The following ME1 variants were observed in gnomAD, a reference collection of about 807,000 sequenced individuals.
ME1 encodes the protein malic enzyme 1, also known as NADP-dependent malic enzyme.
In ME1, 74 loss-of-function variants were observed where a neutral mutation model predicts 66.4. The ratio of observed to expected loss-of-function variants is 1.11; its 90% CI spans 0.92 to 1.35. ME1 has a LOEUF of 1.35. ME1 is among the 40% of genes most tolerant of loss of function. The pLI is 0.00. For synonymous variants in ME1, 251 were observed against 235.6 expected (o/e 1.07, Z -0.60); for missense variants, 750 against 694.1 (o/e 1.08, Z -0.90).
chr6:83,250,145 T>C (rs1562459501), intron 7 of ME1, among the ~76,000 whole-genome samples: 1 of 151,686 alleles, frequency 6.6e-6, no homozygotes, highest in South Asian at 2.1e-4. Flanking sequence ...GTCCGTTGGC[T>C]CTCTAGTTCT....
At chr6:83,360,242 T>C (rs1331736412) in intron 3 of ME1, among the ~76,000 whole-genome samples, 2 of 152,140 alleles carry the variant, frequency 1.3e-5, no homozygotes, top group Non-Finnish European at 2.9e-5. Context: ...AGTGAATCTT[T>C]CTCCCACCCT....
At chr6:83,341,227 T>A (rs1768575512) in intron 5 of ME1, among the ~76,000 whole-genome samples, 1 of 152,118 alleles carries the variant, frequency 6.6e-6, no homozygotes, top group South Asian at 2.1e-4. Context: ...ACTGGAAGGG[T>A]AACATGTCCT....
At chr6:83,282,060 T>C (rs763024655) in intron 6 of ME1, among the ~76,000 whole-genome samples, 3 of 151,384 alleles carry the variant, frequency 2.0e-5, no homozygotes, top group Non-Finnish European at 2.9e-5. Flanking sequence ...CTAGACCATA[T>C]AGAAGAAGGA....
intron 4 of ME1, among the ~76,000 whole-genome samples, chr6:83,351,067 A>G (rs886301704): frequency 4.0e-5 from 6 of 151,614 alleles, no homozygotes; most frequent in Non-Finnish European, 8.8e-5. Context: ...GCCCTAGAGA[A>G]CCAAATTAAT....
chr6:83,352,470 T>A (rs926698307), intron 3 of ME1, among the ~76,000 whole-genome samples: 2 of 152,170 alleles, frequency 1.3e-5, no homozygotes, highest in Admixed American at 1.3e-4. Context: ...TCATTTAGAA[T>A]CTGTCATGAT....
At chr6:83,350,534 T>C (rs946352822) in intron 4 of ME1, among the ~76,000 whole-genome samples, 2 of 152,082 alleles carry the variant, frequency 1.3e-5, no homozygotes, top group African/African-American at 4.8e-5. Context: ...GGTGTGATCA[T>C]AGTACATTGC....
chr6:83,218,749 T>G (rs935341503), intron 12 of ME1, among the ~76,000 whole-genome samples: 1 of 152,244 alleles, frequency 6.6e-6, no homozygotes, highest in African/African-American at 2.4e-5. Flanking sequence ...CTCCAACGTA[T>G]TTGAAGAAGT....
chr6:83,315,490 A>C, intron 5 of ME1, 77 bp from the exon 6 acceptor site: 1 of 831,756 alleles, frequency 1.2e-6, no homozygotes, highest in Non-Finnish European at 2.0e-6. Context: ...CTTCATCTGT[A>C]TAAAAGGGAC....
chr6:83,224,589 C>G (rs1291409308), intron 11 of ME1, among the ~76,000 whole-genome samples: 1 of 149,150 alleles, frequency 6.7e-6, no homozygotes, highest in African/African-American at 2.5e-5. Context: ...GAGGCTGAGG[C>G]AGGAGAATCG....
At chr6:83,280,500 A>G in intron 6 of ME1, among the ~76,000 whole-genome samples, 1 of 152,236 alleles carries the variant, frequency 6.6e-6, no homozygotes. Flanking sequence ...TGATAGGCTA[A>G]AACTGGAGAG....
At chr6:83,376,180 A>C (rs570111039) in intron 3 of ME1, among the ~76,000 whole-genome samples, 1 of 152,144 alleles carries the variant, frequency 6.6e-6, no homozygotes, top group Non-Finnish European at 1.5e-5. Flanking sequence ...TGTTCTATAA[A>C]TTATTTCTCA....
chr6:83,355,379 G>GT (rs986394379), intron 3 of ME1, among the ~76,000 whole-genome samples: 80 of 152,156 alleles, frequency 5.3e-4, no homozygotes, highest in African/African-American at 1.8e-3. Flanking sequence ...GTTAGCCAAG[G>GT]TTTTCCAAAT....
At chr6:83,298,948 T>TTTG (rs1767658532) in intron 6 of ME1, among the ~76,000 whole-genome samples, 1 of 121,914 alleles carries the variant, frequency 8.2e-6, no homozygotes, top group South Asian at 3.1e-4. Context: ...TTTTTTTTTT[T>TTTG]TTTTTTTTTT....
intron 13 of ME1, among the ~76,000 whole-genome samples, chr6:83,212,858 C>T (rs1047056965): frequency 1.3e-5 from 2 of 152,106 alleles, no homozygotes; most frequent in Non-Finnish European, 2.9e-5. Flanking sequence ...ATCACATCAT[C>T]ATATCACATC....
At chr6:83,361,784 C>T (rs557788967) in intron 3 of ME1, among the ~76,000 whole-genome samples, 3 of 152,316 alleles carry the variant, frequency 2.0e-5, no homozygotes, top group South Asian at 2.1e-4. Context: ...TGCTTTCTGA[C>T]CCATGTAGCC....
intron 6 of ME1, among the ~76,000 whole-genome samples, chr6:83,292,294 A>G (rs1395254135): frequency 4.6e-5 from 7 of 152,068 alleles, no homozygotes; most frequent in African/African-American, 1.4e-4. Flanking sequence ...ACCTACGAAT[A>G]GGGTTTTGGT....
At chr6:83,332,130 T>A (rs1490540065) in intron 5 of ME1, among the ~76,000 whole-genome samples, 9 of 152,142 alleles carry the variant, frequency 5.9e-5, no homozygotes, top group Non-Finnish European at 1.3e-4. Flanking sequence ...AGAGGAAAGA[T>A]GAGATGAAAA....
intron 1 of ME1, among the ~76,000 whole-genome samples, chr6:83,414,594 CAT>C (rs1266670893): frequency 2.0e-5 from 3 of 151,906 alleles, no homozygotes; most frequent in East Asian, 3.9e-4. Context: ...ATTTAAATGA[CAT>C]GTTTGCTTAA....
In ME1 at chr6:83,347,297, A is replaced by G. The variant is rs16884166; in HGVS notation, c.439-963T>C. Among the ~76,000 whole-genome samples, 1,113 of 152,308 alleles carry G rather than the reference A, an allele frequency of 7.3e-3. 30 individuals carry two copies. The highest frequency in any genetic ancestry group is 0.061 in the East Asian group (315 of 5,188). On this transcript the variant is annotated intron_variant, in intron 4 of 13. Coordinates refer to ENST00000369705, the MANE Select transcript of ME1 (RefSeq NM_002395.6). The stretch of plus-strand genomic sequence containing the variant: ...ATTAACTTGAATATTTATGAAGCAT[A>G]TACTTTAATCATGTGGAGATTTTAA...
Sources: gnomAD v4.1 joint callset for allele counts (sites outside exome capture counted in the v4.1 genomes callset) on GRCh38, gnomAD v4.1.1 for gene constraint, MANE v1.5 for transcripts, NCBI Gene and HGNC (gene_info 2026-07-23, HGNC 2026-07-21) for gene names.